LIMS2: variants seen among roughly 807,000 people sequenced by gnomAD.
LIMS2 encodes LIM and senescent cell antigen-like-containing domain protein 2.
In LIMS2, 30 loss-of-function variants were observed where a neutral mutation model predicts 45.3. The observed-to-expected ratio is 0.66, with a 90% confidence interval of 0.50 to 0.90. LIMS2 has a LOEUF of 0.90. Ranked by LOEUF, LIMS2 falls within the 40% of genes least tolerant of loss-of-function variation. The pLI is 0.00. For missense variants in LIMS2, 485 were observed against 468.7 expected, an observed-to-expected ratio of 1.03 and a Z score of -0.32; for synonymous variants, 173 against 188.0, an observed-to-expected ratio of 0.92 and a Z score of 0.65.
chr2:127,651,734 G>A, intron 4 of LIMS2: 1 of 1,612,724 alleles, frequency 6.2e-7, no homozygotes, highest in Non-Finnish European at 8.5e-7. Context: ...AGAGCTCGCT[G>A]AGTGCCAAGT....
At chr2:127,673,828 G>A (rs1320393269) in intron 1 of LIMS2, 7 of 1,237,836 alleles carry the variant, frequency 5.7e-6, no homozygotes, top group African/African-American at 1.5e-5. Flanking sequence ...ACCCTAGGGG[G>A]TGACCACAGG....
intron 1 of LIMS2, among the ~76,000 whole-genome samples, chr2:127,681,111 G>A (rs1685601598): frequency 6.6e-6 from 1 of 152,174 alleles, no homozygotes; most frequent in African/African-American, 2.4e-5. Flanking sequence ...GGCCTCGCCC[G>A]CAGAAGGCCC....
intron 1 of LIMS2, chr2:127,673,899 G>T (rs1166905595): frequency 1.5e-6 from 1 of 677,756 alleles, no homozygotes; most frequent in East Asian, 2.8e-5. Flanking sequence ...TCACTGCAGA[G>T]GGGCCTGGGC....
At position 127,658,066 on chromosome 2, in the gene LIMS2, T is replaced by C. The variant is rs117957176; in HGVS notation, c.12-504A>G. Among the ~76,000 whole-genome samples, 210 of 152,176 alleles carry C rather than the reference T, an allele frequency of 1.4e-3. 2 individuals are homozygous for C. In the East Asian group the frequency reaches 0.035, roughly 26 times the overall value. On this transcript the variant is annotated intron_variant, in intron 1 of 9. Transcript: ENST00000355119. ...AAACTGACTGCCTCCAATAAACACA[T>C]AACCACCCAAACACAGAGCAGGCAA...
chr2:127,660,484 A>G (rs1684556261), intron 1 of LIMS2, among the ~76,000 whole-genome samples: 1 of 152,172 alleles, frequency 6.6e-6, no homozygotes, highest in Non-Finnish European at 1.5e-5. Flanking sequence ...GACGGGGAGG[A>G]ATCGTTTCGA....
chr2:127,644,754 G>A (rs968755145), intron 4 of LIMS2, among the ~76,000 whole-genome samples: 1 of 152,228 alleles, frequency 6.6e-6, no homozygotes, highest in African/African-American at 2.4e-5. Flanking sequence ...AGGTCTGTGA[G>A]CCCAGAAATG....
At chr2:127,670,220 G>A (rs1433212088) in intron 1 of LIMS2, among the ~76,000 whole-genome samples, 1 of 152,152 alleles carries the variant, frequency 6.6e-6, no homozygotes. Context: ...CCAAAAAGTG[G>A]AAACAATGCA....
rs3821231 is a variant in LIMS2 at position 127,652,228 on chromosome 2, C to A, written c.359+2196G>T. ...CTTTGCAGTGCAAGGTACTCTGAGT[C>A]CCCTCTGTAGTGCCTCTGCCAGACA... is the stretch of plus-strand genomic sequence containing the variant. On this transcript the variant is annotated intron_variant, in intron 4 of 9. Coordinates refer to ENST00000355119, the MANE Select transcript of LIMS2 (RefSeq NM_001161403.3). The A allele has an allele frequency of 1.6e-3, 302 of 189,388 alleles. 8 individuals are homozygous for A. In the East Asian group the frequency reaches 0.041, roughly 26 times the overall value. 11.7% of individuals were successfully genotyped at this position (189,388 alleles called of 1,614,324 possible). A position where few individuals can be genotyped will look rare whatever the true frequency, so the allele number is the denominator to read the frequency against.
Position 127,647,382 on chromosome 2 carries a change from G to C in LIMS2, c.360-4310C>G, listed in dbSNP as rs1573775206. 1.3e-5 allele frequency among the ~76,000 whole-genome samples: 2 copies of C among 152,094 alleles called. No individual in the cohort carries two copies. Among genetic ancestry groups the C allele is most frequent in the Admixed American group, 1.3e-4 (2 of 15,286 alleles). On this transcript the variant is annotated intron_variant, in intron 4 of 9. Transcript: ENST00000355119. The surrounding 1 kb of genome is among the most constrained non-coding windows in gnomAD (Gnocchi z 4.3). The stretch of plus-strand genomic sequence containing the variant: ...CCAGCTCCAGGGCCAATGTCCCCTG[G>C]TCAAGTGACCTAAGACAAGTTAGCA...
intron 4 of LIMS2, among the ~76,000 whole-genome samples, chr2:127,649,165 T>TAGGAAGGAAGGAAGGAA (rs558020377): frequency 7.4e-6 from 1 of 134,236 alleles, no homozygotes; most frequent in Non-Finnish European, 1.6e-5. Flanking sequence ...GAGAGGAAGG[T>TAGGAAGGAAGGAAGGAA]AGGAAGGAAG....
chr2:127,660,403 A>G (rs1324442097), intron 1 of LIMS2, among the ~76,000 whole-genome samples: 1 of 152,066 alleles, frequency 6.6e-6, no homozygotes, highest in Admixed American at 6.5e-5. Flanking sequence ...GGTCTGCGCC[A>G]CCTTTATGAG....
chr2:127,657,974 G>A (rs1272052467), intron 1 of LIMS2, among the ~76,000 whole-genome samples: 1 of 152,194 alleles, frequency 6.6e-6, no homozygotes, highest in Non-Finnish European at 1.5e-5. Flanking sequence ...AGCAGAGCGG[G>A]GTCCACACTT....
At chr2:127,669,591 G>A (rs991034733) in intron 1 of LIMS2, among the ~76,000 whole-genome samples, 8 of 151,878 alleles carry the variant, frequency 5.3e-5, no homozygotes, top group East Asian at 3.9e-4. Context: ...GGTGGCACAC[G>A]CCTGTAGTCC....
intron 1 of LIMS2, 182 bp downstream of exon 1, chr2:127,674,832 C>T: frequency 2.0e-6 from 2 of 985,340 alleles, no homozygotes; most frequent in African/African-American, 1.7e-5. Context: ...GAGGAAGAGG[C>T]GCGGGGGCTG....
At chr2:127,650,413 T>C (rs1470008565) in intron 4 of LIMS2, 1 of 535,376 alleles carries the variant, frequency 1.9e-6, no homozygotes, top group South Asian at 2.4e-5. Flanking sequence ...TTCCCCGCCA[T>C]GGCACTGACC....
intron 4 of LIMS2, among the ~76,000 whole-genome samples, chr2:127,649,210 A>AGGAAGGAAGGAAGGAAGGAAGGAAGGGC (rs1683428442): frequency 6.7e-6 from 1 of 148,296 alleles, no homozygotes; most frequent in Non-Finnish European, 1.5e-5. Flanking sequence ...GAAGGAAGGA[A>AGGAAGGAAGGAAGGAAGGAAGGAAGGGC]GGGCAGGGAG....
In LIMS2 at chr2:127,664,461, G is replaced by A. The variant is rs2105329627; in HGVS notation, c.12-6899C>T. On this transcript the variant is annotated intron_variant, in intron 1 of 9. Coordinates refer to ENST00000355119, the MANE Select transcript of LIMS2 (RefSeq NM_001161403.3). The surrounding 1 kb of genome is among the most constrained non-coding windows in gnomAD (Gnocchi z 5.5). ...AGGGGCTATGGGACCACCTCGGAGG[G>A]GAGGCGCGGCCGCCTGGGGCCAGAC... 3 of 1,184,950 alleles carry A rather than the reference G, an allele frequency of 2.5e-6. No individual in the cohort carries two copies. In the East Asian group the frequency reaches 1.1e-4, roughly 43 times the overall value. The allele number at this position is 1,184,950 out of a possible 1,614,324, so 73.4% of individuals were successfully genotyped here.
At chr2:127,641,828 G>T in intron 6 of LIMS2, 1 of 514,106 alleles carries the variant, frequency 1.9e-6, no homozygotes, top group Non-Finnish European at 3.5e-6. Context: ...GGTGGGCACA[G>T]CTACCCAACC....
chr2:127,662,877 C>T (rs1332956234), intron 1 of LIMS2, among the ~76,000 whole-genome samples: 1 of 152,210 alleles, frequency 6.6e-6, no homozygotes, highest in Non-Finnish European at 1.5e-5. Flanking sequence ...AAACAGACTC[C>T]AAATCAGTAT....
Sources: allele counts gnomAD v4.1 joint callset (sites outside exome capture counted in the v4.1 genomes callset), GRCh38; gene constraint gnomAD v4.1.1; non-coding constraint Gnocchi (gnomAD v3.1); transcripts MANE v1.5; gene names NCBI Gene and HGNC (gene_info 2026-07-23, HGNC 2026-07-21).